ZNF385D: variants seen among roughly 807,000 people sequenced by gnomAD.
ZNF385D encodes the protein zinc finger protein 659.
ZNF385D carries 15 observed loss-of-function variants against 35.8 expected under a neutral mutation model. That is an observed-to-expected ratio of 0.42 (90% CI 0.28 to 0.64). ZNF385D has a LOEUF of 0.64. Among genes scored for constraint, ZNF385D ranks in the 30% least tolerant of loss-of-function variants. The probability of loss-of-function intolerance (pLI) is 0.23; values close to 1 mark genes in which losing one functional copy is unlikely to be tolerated. For missense variants in ZNF385D, 474 were observed against 494.6 expected (o/e 0.96, Z 0.39); for synonymous variants, 212 against 186.8 (o/e 1.13, Z -1.10).
chr3:21,778,878 A>G (rs1458157240), intron 3 of ZNF385D, among the ~76,000 whole-genome samples: 2 of 151,986 alleles, frequency 1.3e-5, no homozygotes, highest in African/African-American at 2.4e-5. Flanking sequence ...TGTCTGGCAC[A>G]TAGTCTGGAA....
chr3:22,130,095 G>A lies in ZNF385D; in HGVS notation c.325+38722C>T, dbSNP rs188248618. On this transcript the variant is annotated intron_variant, in intron 3 of 5. Transcript: ENST00000494108. ...ATTGGAATCCTTTGTGGCCCTGGGT[G>A]GGTCTAAAAACATCATCTGGGAGCT... Among the ~76,000 whole-genome samples, 13 of 152,214 alleles carry A rather than the reference G, an allele frequency of 8.5e-5. No homozygotes were observed. In the East Asian group the frequency reaches 2.3e-3, roughly 27 times the overall value.
At chr3:22,367,863 ACT>A (rs775620220) in intron 2 of ZNF385D, among the ~76,000 whole-genome samples, 9 of 152,236 alleles carry the variant, frequency 5.9e-5, no homozygotes, top group African/African-American at 1.9e-4. Context: ...GTTATGAGAG[ACT>A]CTCAGGAAAA....
In ZNF385D at chr3:21,881,908, T is replaced by C. The variant is rs182599176; in HGVS notation, c.326-216880A>G. ...GAAGTAACTGCATATGTGATGGAAA[T>C]AGTAAGAGAACTAGAATTAGAAGTG... On this transcript the variant is annotated intron_variant, in intron 3 of 5. Coordinates refer to the ZNF385D transcript ENST00000494108. Among the ~76,000 whole-genome samples, 4 of 152,146 alleles carry C rather than the reference T, an allele frequency of 2.6e-5. No homozygotes were observed. The East Asian group carries it at 5.8e-4, about 22-fold the overall frequency.
At chr3:22,069,071 T>C (rs888065467) in intron 3 of ZNF385D, among the ~76,000 whole-genome samples, 2 of 152,200 alleles carry the variant, frequency 1.3e-5, no homozygotes, top group African/African-American at 2.4e-5. Context: ...TGTGTTCAAC[T>C]AGTAAAAGGA....
intron 2 of ZNF385D, among the ~76,000 whole-genome samples, chr3:22,193,636 G>C (rs751482261): frequency 6.6e-6 from 1 of 151,872 alleles, no homozygotes; most frequent in Non-Finnish European, 1.5e-5. Flanking sequence ...TTATCATAAA[G>C]CTTCTGGATT....
intron 3 of ZNF385D, among the ~76,000 whole-genome samples, chr3:21,866,913 G>C (rs1405139861): frequency 6.6e-6 from 1 of 152,088 alleles, no homozygotes. Flanking sequence ...CTATTAGAAT[G>C]AAATGAGGAG....
At chr3:21,928,188 G>A (rs1476318192) in intron 3 of ZNF385D, among the ~76,000 whole-genome samples, 1 of 151,810 alleles carries the variant, frequency 6.6e-6, no homozygotes, top group Non-Finnish European at 1.5e-5. Context: ...TACAGCCTAG[G>A]TGAGAAGTAA....
At chr3:21,967,763 T>G (rs140337601) in intron 3 of ZNF385D, among the ~76,000 whole-genome samples, 44 of 152,276 alleles carry the variant, frequency 2.9e-4, no homozygotes, top group Non-Finnish European at 6.2e-4. Context: ...TGACCAAAAT[T>G]CCAATGGCAA....
At chr3:21,443,719 A>G (rs1218662339) in intron 4 of ZNF385D, among the ~76,000 whole-genome samples, 1 of 152,220 alleles carries the variant, frequency 6.6e-6, no homozygotes, top group Non-Finnish European at 1.5e-5. Context: ...TCCCCATAGT[A>G]GCCTGCATGA....
intron 3 of ZNF385D, among the ~76,000 whole-genome samples, chr3:22,066,411 T>C (rs1455997924): frequency 6.6e-6 from 1 of 150,444 alleles, no homozygotes; most frequent in Non-Finnish European, 1.5e-5. Flanking sequence ...TGGTTCCCTG[T>C]GTGTGTGTCT....
intron 3 of ZNF385D, among the ~76,000 whole-genome samples, chr3:21,975,436 G>A (rs1282487481): frequency 2.0e-5 from 3 of 151,966 alleles, no homozygotes; most frequent in Non-Finnish European, 4.4e-5. Context: ...AATAATTAAT[G>A]GGTTCAAATA....
At chr3:21,653,936 G>A (rs75677365) in intron 2 of ZNF385D, among the ~76,000 whole-genome samples, 6,125 of 151,994 alleles carry the variant, frequency 0.04, 394 homozygotes, top group African/African-American at 0.14. Context: ...TGTGGTAAAA[G>A]TCACAGAAGC....
chr3:21,921,789 G>A (rs78040157), intron 3 of ZNF385D, among the ~76,000 whole-genome samples: 1 of 149,628 alleles, frequency 6.7e-6, no homozygotes, highest in Admixed American at 6.6e-5. Flanking sequence ...ATTGAATCAA[G>A]AAGAATTTGA....
chr3:22,257,111 G>T (rs1431828752), intron 2 of ZNF385D, among the ~76,000 whole-genome samples: 2 of 151,734 alleles, frequency 1.3e-5, no homozygotes, highest in Non-Finnish European at 2.9e-5. Flanking sequence ...AGGACCTTGG[G>T]AGACTCACAG....
chr3:22,325,527 G>A lies in ZNF385D; in HGVS notation c.106+46923C>T, dbSNP rs567069965. On this transcript the variant is annotated intron_variant, in intron 2 of 5. Transcript: ENST00000494108. ...GCCTATAGTCCCAGCACCTTGGGAC[G>A]CTGAGGTGGGCTGATCATTTGAGGC... Among the ~76,000 whole-genome samples the A allele has an allele frequency of 2.6e-5, 4 of 152,300 alleles. No individual in the cohort carries two copies. The East Asian group carries it at 5.8e-4, about 22-fold the overall frequency.
intron 3 of ZNF385D, among the ~76,000 whole-genome samples, chr3:21,991,432 T>G (rs997405495): frequency 2.0e-5 from 3 of 152,336 alleles, no homozygotes; most frequent in South Asian, 4.1e-4. Context: ...ATTTGTTTTG[T>G]TAGCAAACAT....
At chr3:22,067,849 C>G (rs1160743504) in intron 3 of ZNF385D, among the ~76,000 whole-genome samples, 4 of 152,136 alleles carry the variant, frequency 2.6e-5, no homozygotes, top group African/African-American at 7.2e-5. Flanking sequence ...TGGTGAAACC[C>G]TGTCTCTACT....
intron 2 of ZNF385D, among the ~76,000 whole-genome samples, chr3:22,369,045 C>A (rs1333063919): frequency 6.6e-6 from 1 of 152,122 alleles, no homozygotes; most frequent in Non-Finnish European, 1.5e-5. Flanking sequence ...TTTCAACTCA[C>A]CAGCTTTATT....
chr3:22,007,997 C>G (rs1414152219), intron 3 of ZNF385D, among the ~76,000 whole-genome samples: 1 of 151,830 alleles, frequency 6.6e-6, no homozygotes, highest in Non-Finnish European at 1.5e-5. Flanking sequence ...TATTCTAGAA[C>G]TTGTATAGTT....
Sources: gnomAD v4.1 joint callset for allele counts (sites outside exome capture counted in the v4.1 genomes callset) on GRCh38, gnomAD v4.1.1 for gene constraint, MANE v1.5 for transcripts, NCBI Gene and HGNC (gene_info 2026-07-23, HGNC 2026-07-21) for gene names.